Variants in ABCA13 observed in about 807,000 individuals in gnomAD.
ABCA13 encodes the protein ATP-binding cassette sub-family A member 13.
In ABCA13, 476 loss-of-function variants were observed where a neutral mutation model predicts 478.7. The ratio of observed to expected loss-of-function variants is 0.99; its 90% CI spans 0.92 to 1.07. The LOEUF is 1.07. Ranked by LOEUF, ABCA13 falls within the 50% of genes least tolerant of loss-of-function variation. The pLI, the probability that ABCA13 is intolerant of heterozygous loss-of-function variation, is 0.00. For missense variants in ABCA13, 6,060 were observed against 5,910.6 expected (o/e 1.03, Z -0.83); for synonymous variants, 2,252 against 2,158.9 (o/e 1.04, Z -1.20).
intron 1 of ABCA13, among the ~76,000 whole-genome samples, chr7:48,179,334 G>T (rs1347259930): frequency 6.6e-6 from 1 of 152,154 alleles, no homozygotes; most frequent in Non-Finnish European, 1.5e-5. Context: ...AACTCTGGGG[G>T]GCTCCTTTCA....
chr7:48,412,658 G>C, intron 41 of ABCA13, 75 bp downstream of exon 41: 3 of 1,170,838 alleles, frequency 2.6e-6, no homozygotes, highest in Non-Finnish European at 3.5e-6. Flanking sequence ...AGAGATGTGG[G>C]TAAAGGGGGG....
At chr7:48,314,205 T>C (rs1439128277) in intron 25 of ABCA13, 27 bp from the exon 26 acceptor site, 1 of 1,604,266 alleles carries the variant, frequency 6.2e-7, no homozygotes, top group South Asian at 1.1e-5. Context: ...ACTATGTAAT[T>C]GCAATTTAGT....
In ABCA13 at chr7:48,511,096, G is replaced by A. The variant is rs751459465; in HGVS notation, c.13537G>A (p.Val4513Ile). The change falls in exon 51 of 62, where the codon GTT (valine) becomes ATT (isoleucine). Residue 4513 changes from valine to isoleucine, a missense_variant. Coordinates refer to ENST00000435803, the MANE Select transcript of ABCA13 (RefSeq NM_152701.5). ...NFLYDMLFYL[V>I]SVCLCVAVIV... The stretch of plus-strand genomic sequence containing the variant: ...TTTATCTTCTCAGCTCTTTTACTTG[G>A]TTTCCGTCTGCCTGTGTGTTGCCGT... 3 of 1,613,460 alleles carry A rather than the reference G, an allele frequency of 1.9e-6. No individual in the cohort carries two copies. The Admixed American group carries it at 5.0e-5, about 27-fold the overall frequency.
intron 42 of ABCA13, among the ~76,000 whole-genome samples, chr7:48,432,299 A>G (rs1016585766): frequency 6.6e-6 from 1 of 152,142 alleles, no homozygotes; most frequent in African/African-American, 2.4e-5. Flanking sequence ...AGAATAATTA[A>G]TATTAAAAAG....
chr7:48,569,438 T>G (rs80232025), intron 55 of ABCA13, among the ~76,000 whole-genome samples: 2,635 of 152,338 alleles, frequency 0.017, 79 homozygotes, highest in African/African-American at 0.06. Flanking sequence ...TGCTTCTGTA[T>G]TGATTTTTAA....
At position 48,528,279 on chromosome 7, in the gene ABCA13, CT is replaced by C; in HGVS notation, c.14291del (p.Phe4764SerfsTer4). ...LGVNGAGKST[T>X]FKMLNGEVSL... ...GTGAATGGAGCTGGGAAGAGCACGACTTTCAAAATGCTGAATGGTGAAGTTT... is the reference window on the plus strand; with the variant it reads ...GTGAATGGAGCTGGGAAGAGCACGACTTCAAAATGCTGAATGGTGAAGTTT... On this transcript the variant is annotated frameshift_variant, in exon 55 of 62. Coordinates refer to ENST00000435803, the MANE Select transcript of ABCA13 (RefSeq NM_152701.5). LOFTEE classifies it high-confidence loss of function. The C allele has an allele frequency of 6.3e-7, 1 of 1,580,120 alleles. No individual in the cohort carries two copies. Among genetic ancestry groups the C allele is most frequent in the Middle Eastern group, 1.7e-4 (1 of 6,012 alleles).
intron 15 of ABCA13, among the ~76,000 whole-genome samples, chr7:48,255,038 A>G (rs1793171696): frequency 6.6e-6 from 1 of 152,208 alleles, no homozygotes; most frequent in African/African-American, 2.4e-5. Flanking sequence ...ATGCCTTAAA[A>G]ATCATTAAAA....
chr7:48,423,354 A>G (rs1360888078), intron 41 of ABCA13, among the ~76,000 whole-genome samples: 49 of 152,348 alleles, frequency 3.2e-4, no homozygotes, highest in Admixed American at 3.0e-3. Context: ...GCTGGGTTCC[A>G]TTGTCCTTGT....
chr7:48,279,675 G>A lies in ABCA13; in HGVS notation c.8481G>A (p.Arg2827=). Residue 2827 remains arginine (R), a synonymous_variant, in exon 18 of 62, where the codon AGG becomes AGA. Transcript: ENST00000435803. ...HNVLSRIALW[R]KGLLFNNSEW... The stretch of plus-strand genomic sequence containing the variant: ...TTTTAAGTAGAATAGCTCTCTGGAG[G>A]AAAGGACTTCTGTTTAACAACTCTG... 6.2e-7 allele frequency: 1 copy of A among 1,613,548 alleles called. No individual in the cohort carries two copies. The highest frequency in any genetic ancestry group is 8.5e-7 in the Non-Finnish European group (1 of 1,179,746).
Position 48,229,864 on chromosome 7 carries a change from C to T in ABCA13, c.672C>T (p.Leu224=). Residue 224 remains leucine, a synonymous_variant, in exon 7 of 62, where the codon CTC becomes CTT. Transcript: ENST00000435803. ...ISLEDLDWLP[L]NQTFSQVSEL... is the part of the protein sequence containing the mutation. Reference sequence around the variant, plus strand: ...TAGAAGATTTAGATTGGCTTCCACTCAACCAAACTTTTTCCCAGGTTTCTG... The same window carrying T: ...TAGAAGATTTAGATTGGCTTCCACTTAACCAAACTTTTTCCCAGGTTTCTG... 1 of 1,613,994 alleles carries T rather than the reference C, an allele frequency of 6.2e-7. No homozygotes were observed. The highest frequency in any genetic ancestry group is 1.3e-5 in the African/African-American group (1 of 75,040).
chr7:48,493,075 C>G (rs868848647), intron 48 of ABCA13, among the ~76,000 whole-genome samples: 6 of 152,200 alleles, frequency 3.9e-5, no homozygotes, highest in Middle Eastern at 6.8e-3. Context: ...CAGACTAAGA[C>G]AGTCATTAGA....
intron 31 of ABCA13, among the ~76,000 whole-genome samples, chr7:48,363,151 AAG>A (rs1248193744): frequency 6.6e-6 from 1 of 152,162 alleles, no homozygotes; most frequent in Non-Finnish European, 1.5e-5. Flanking sequence ...TAATTTCCTT[AAG>A]AAGCTCTCAT....
intron 16 of ABCA13, among the ~76,000 whole-genome samples, chr7:48,271,161 G>C (rs1463683587): frequency 6.6e-6 from 1 of 152,182 alleles, no homozygotes; most frequent in Non-Finnish European, 1.5e-5. Flanking sequence ...GGACTTGTAA[G>C]TTCTGAGTTA....
intron 23 of ABCA13, among the ~76,000 whole-genome samples, chr7:48,303,439 G>T (rs1800443436): frequency 6.6e-6 from 1 of 152,088 alleles, no homozygotes; most frequent in South Asian, 2.1e-4. Context: ...GTATTACCTA[G>T]GTTGTCTTCC....
At chr7:48,419,560 A>G (rs1025509247) in intron 41 of ABCA13, among the ~76,000 whole-genome samples, 24 of 152,194 alleles carry the variant, frequency 1.6e-4, no homozygotes, top group African/African-American at 5.5e-4. Context: ...TGCCTCTGCA[A>G]TTTTTTAAAT....
intron 59 of ABCA13, among the ~76,000 whole-genome samples, chr7:48,632,088 G>A (rs989880108): frequency 1.3e-5 from 2 of 152,080 alleles, no homozygotes; most frequent in Admixed American, 6.6e-5. Context: ...GTGTTTTCTA[G>A]TTACACATTC....
intron 17 of ABCA13, among the ~76,000 whole-genome samples, chr7:48,277,287 T>A (rs1297533041): frequency 6.6e-6 from 1 of 152,148 alleles, no homozygotes; most frequent in Non-Finnish European, 1.5e-5. Flanking sequence ...GAGTGAAAGC[T>A]CCTTGTCCAC....
intron 41 of ABCA13, among the ~76,000 whole-genome samples, chr7:48,414,221 C>G (rs1286890982): frequency 6.6e-6 from 1 of 152,164 alleles, no homozygotes; most frequent in Admixed American, 6.5e-5. Context: ...GGCGCCTCTG[C>G]AGCGGATTCC....
chr7:48,535,404 T>A (rs1833501572), intron 55 of ABCA13, among the ~76,000 whole-genome samples: 1 of 152,124 alleles, frequency 6.6e-6, no homozygotes, highest in South Asian at 2.1e-4. Context: ...CCTGCTCAGG[T>A]GGAGGTAGCA....
Sources: allele counts gnomAD v4.1 joint callset (sites outside exome capture counted in the v4.1 genomes callset), GRCh38; gene constraint gnomAD v4.1.1; transcripts MANE v1.5; gene names NCBI Gene and HGNC (gene_info 2026-07-23, HGNC 2026-07-21).